SLC30A10: variants seen among roughly 807,000 people sequenced by gnomAD.
The protein encoded by SLC30A10 is calcium/manganese antiporter SLC30A10.
In SLC30A10, 8 loss-of-function variants were observed where a neutral mutation model predicts 21.7. That is an observed-to-expected ratio of 0.37 (90% CI 0.22 to 0.67). The LOEUF (loss-of-function observed/expected upper bound fraction) is 0.67, where lower values mean the gene tolerates loss of function less well. Among genes scored for constraint, SLC30A10 ranks in the 30% least tolerant of loss-of-function variants. The pLI is 0.58. For missense variants in SLC30A10, 521 were observed against 642.5 expected (o/e 0.81, Z 2.04); for synonymous variants, 272 against 279.4 (o/e 0.97, Z 0.26).
rs2231734 is a variant in SLC30A10, at chr1:219,916,010, A to C, written c.959-62T>G. On this transcript the variant is annotated intron_variant, in intron 3 of 3. Coordinates refer to ENST00000366926, the MANE Select transcript of SLC30A10 (RefSeq NM_018713.3). ...CGCTGCATTTGAAACATGGAACTACAGGAGGGATATGGTTCCGTTAAGCAT... is the reference window on the plus strand; with the variant it reads ...CGCTGCATTTGAAACATGGAACTACCGGAGGGATATGGTTCCGTTAAGCAT... 0.37 allele frequency: 579,680 copies of C among 1,556,430 alleles called. 110,955 individuals carry two copies. Among genetic ancestry groups the C allele is most frequent in the Non-Finnish European group, 0.4 (462,026 of 1,156,396 alleles).
chr1:219,956,870 G>T (rs777143640), intron 1 of SLC30A10, among the ~76,000 whole-genome samples: 3 of 152,092 alleles, frequency 2.0e-5, no homozygotes, highest in African/African-American at 7.2e-5. Flanking sequence ...ACTGGTCAGA[G>T]TCAGACCGTT....
At chr1:219,943,266 A>C (rs1464760606) in intron 1 of SLC30A10, among the ~76,000 whole-genome samples, 1 of 152,218 alleles carries the variant, frequency 6.6e-6, no homozygotes, top group African/African-American at 2.4e-5. Context: ...AAAGTAGATT[A>C]GTTGAAATTA....
At chr1:219,927,664 AAAAACAAC>A in intron 1 of SLC30A10, 129 bp downstream of exon 1, 3 of 509,746 alleles carry the variant, frequency 5.9e-6, no homozygotes, top group Non-Finnish European at 7.9e-6. Flanking sequence ...AAAAAAAAAA[AAAAACAAC>A]AACAACAAAA....
intron 1 of SLC30A10, among the ~76,000 whole-genome samples, chr1:219,941,648 C>T (rs1660124425): frequency 6.7e-6 from 1 of 148,456 alleles, no homozygotes; most frequent in South Asian, 2.2e-4. Context: ...TTCCTTCCTT[C>T]TCTCCCTCCC....
chr1:219,940,289 G>A (rs927066485), intron 1 of SLC30A10, among the ~76,000 whole-genome samples: 1 of 152,196 alleles, frequency 6.6e-6, no homozygotes, highest in Non-Finnish European at 1.5e-5. Context: ...CCTATACATT[G>A]AGACCTTCCA....
intron 2 of SLC30A10, among the ~76,000 whole-genome samples, chr1:219,923,496 A>G (rs955346993): frequency 6.6e-6 from 1 of 152,230 alleles, no homozygotes; most frequent in Non-Finnish European, 1.5e-5. Flanking sequence ...GCAAATGGTA[A>G]TGAAAAACTG....
At position 219,928,524 on chromosome 1, in the gene SLC30A10, G is replaced by T; in HGVS notation, c.-84C>A. ...CAGCCACAGGTGGGGGGCGCGGCGC[G>T]GATCCGTGAGGCCCGGTACCCGCCT... On this transcript the variant is annotated 5_prime_UTR_variant, in exon 1 of 4. Coordinates refer to ENST00000366926, the MANE Select transcript of SLC30A10 (RefSeq NM_018713.3). The surrounding 1 kb of genome is among the most constrained non-coding windows in gnomAD (Gnocchi z 6.3). 4 of 1,279,904 alleles carry T rather than the reference G, an allele frequency of 3.1e-6. No individual in the cohort carries two copies. The highest frequency in any genetic ancestry group is 4.1e-6 in the Non-Finnish European group (4 of 979,936). The allele number at this position is 1,279,904 out of a possible 1,614,324, so 79.3% of individuals were successfully genotyped here. A position where few individuals can be genotyped will look rare whatever the true frequency, so the allele number is the denominator to read the frequency against.
At chr1:219,939,840 A>T (rs527720544) in intron 1 of SLC30A10, among the ~76,000 whole-genome samples, 1 of 152,338 alleles carries the variant, frequency 6.6e-6, no homozygotes, top group Admixed American at 6.5e-5. Flanking sequence ...ATTCAAGGTG[A>T]CAAGATCCTG....
upstream of SLC30A10, chr1:219,928,582 T>A: frequency 1.4e-6 from 1 of 703,024 alleles, no homozygotes. The surrounding 1 kb of genome is among the most constrained non-coding windows in gnomAD (Gnocchi z 6.3). Flanking sequence ...GCCCCACCGC[T>A]TTTTATAACG....
At chr1:219,956,319 GC>G (rs762259547) in intron 1 of SLC30A10, among the ~76,000 whole-genome samples, 4 of 152,116 alleles carry the variant, frequency 2.6e-5, no homozygotes, top group South Asian at 2.1e-4. Context: ...ACAGGCATGA[GC>G]TGCTGTACAC....
intron 1 of SLC30A10, among the ~76,000 whole-genome samples, chr1:219,942,749 C>T (rs183818549): frequency 3.9e-5 from 6 of 152,258 alleles, no homozygotes. Context: ...AATTCACAAT[C>T]AAAAATCATG....
In SLC30A10 at chr1:219,918,127, T is replaced by A; in HGVS notation, c.958+128A>T. 8.0e-7 allele frequency: 1 copy of A among 1,242,628 alleles called. No individual in the cohort carries two copies. The highest frequency in any genetic ancestry group is 2.3e-5 in the East Asian group (1 of 42,736). The allele number at this position is 1,242,628 out of a possible 1,614,324, so 77.0% of individuals were successfully genotyped here. A position where few individuals can be genotyped will look rare whatever the true frequency, so the allele number is the denominator to read the frequency against. ...AGGCTATAAAACATATGATGACATC[T>A]CTACCACCTGGTGATTTAAGGTGTT... On this transcript the variant is annotated intron_variant, in intron 3 of 3. Coordinates refer to ENST00000366926, the MANE Select transcript of SLC30A10 (RefSeq NM_018713.3). The surrounding 1 kb of genome is among the most constrained non-coding windows in gnomAD (Gnocchi z 4.4).
intron 1 of SLC30A10, among the ~76,000 whole-genome samples, chr1:219,950,632 C>T (rs1660254697): frequency 6.6e-6 from 1 of 151,140 alleles, no homozygotes; most frequent in South Asian, 2.1e-4. Flanking sequence ...GAGGAAGACT[C>T]TGTCTAAAAA....
chr1:219,919,995 T>C (rs539932642), intron 2 of SLC30A10, among the ~76,000 whole-genome samples: 1 of 152,274 alleles, frequency 6.6e-6, no homozygotes, highest in East Asian at 1.9e-4. Context: ...ATTGAGCTAA[T>C]TCCTCCTCTT....
chr1:219,926,634 C>G (rs1207217061), intron 2 of SLC30A10, among the ~76,000 whole-genome samples: 2 of 152,214 alleles, frequency 1.3e-5, no homozygotes, highest in African/African-American at 4.8e-5. Flanking sequence ...GGTCACTCAG[C>G]AATGCGAGAT....
intron 1 of SLC30A10, among the ~76,000 whole-genome samples, chr1:219,946,720 C>T (rs541757557): frequency 6.6e-6 from 1 of 152,084 alleles, no homozygotes; most frequent in Admixed American, 6.5e-5. Context: ...CACCCCTGCT[C>T]TTCCAGTTGT....
chr1:219,914,345 T>A lies in SLC30A10; in HGVS notation c.*1104A>T, dbSNP rs1659482170. ...TGGATCAGCGACATGAAAGAAAATT[T>A]TAAGTTCCTCAAAAACACATTAAAG... is the stretch of plus-strand genomic sequence containing the variant. On this transcript the variant is annotated 3_prime_UTR_variant, in exon 4 of 4. Coordinates refer to ENST00000366926, the MANE Select transcript of SLC30A10 (RefSeq NM_018713.3). The A allele has an allele frequency of 6.6e-6, 1 of 152,234 alleles. No homozygotes were observed. The highest frequency in any genetic ancestry group is 1.5e-5 in the Non-Finnish European group (1 of 68,040). 9.4% of individuals were successfully genotyped at this position (152,234 alleles called of 1,614,324 possible).
At chr1:219,936,308 A>T (rs1461374313) in intron 1 of SLC30A10, among the ~76,000 whole-genome samples, 2 of 152,202 alleles carry the variant, frequency 1.3e-5, no homozygotes, top group African/African-American at 2.4e-5. Context: ...AATAAAAGGC[A>T]TTATTGCTGT....
chr1:219,926,015 T>C (rs1659817372), intron 2 of SLC30A10, among the ~76,000 whole-genome samples: 1 of 152,122 alleles, frequency 6.6e-6, no homozygotes, highest in East Asian at 1.9e-4. Context: ...GGATGATTTT[T>C]TTTTCATTAC....
Sources: gnomAD v4.1 joint callset for allele counts (sites outside exome capture counted in the v4.1 genomes callset) on GRCh38, gnomAD v4.1.1 for gene constraint, Gnocchi (gnomAD v3.1) non-coding constraint, MANE v1.5 for transcripts, NCBI Gene and HGNC (gene_info 2026-07-23, HGNC 2026-07-21) for gene names.